The following TTN variants were observed in gnomAD, a reference collection of about 807,000 sequenced individuals.
TTN encodes titin.
Under a neutral mutation model 3,223.0 loss-of-function variants are expected in TTN, and 1,525 were observed. The ratio of observed to expected loss-of-function variants is 0.47; its 90% confidence interval spans 0.45 to 0.49. The LOEUF (loss-of-function observed/expected upper bound fraction) is 0.49, where lower values mean the gene tolerates loss of function less well. Ranked by LOEUF, TTN falls within the 20% of genes least tolerant of loss-of-function variation. TTN has a pLI of 0.00. For missense variants in TTN, 40,786 were observed against 43,424.0 expected, an observed-to-expected ratio of 0.94 and a Z score of 5.40; for synonymous variants, 14,094 against 15,161.0, an observed-to-expected ratio of 0.93 and a Z score of 5.17.
intron 112 of TTN, 101 bp downstream of exon 112, chr2:178,698,742 G>A (rs2074182086): frequency 1.8e-6 from 2 of 1,130,222 alleles, no homozygotes; most frequent in South Asian, 3.0e-5. Flanking sequence ...ACCATTTTGT[G>A]ATTGCAAACT....
At chr2:178,585,522 C>T (rs1418140546) in intron 308 of TTN, among the ~76,000 whole-genome samples, 175 bp from the exon 309 acceptor site, 1 of 151,916 alleles carries the variant, frequency 6.6e-6, no homozygotes, top group Non-Finnish European at 1.5e-5. Flanking sequence ...TATACATGTG[C>T]CATGGTGATT....
chr2:178,652,178 G>A lies in TTN; in HGVS notation c.39213C>T (p.Val13071=), dbSNP rs2063116864. 6.2e-7 allele frequency: 1 copy of A among 1,611,972 alleles called. No homozygotes were observed. Among genetic ancestry groups the A allele is most frequent in the Non-Finnish European group, 8.5e-7 (1 of 1,179,590 alleles). The change falls in exon 204 of 363, where the codon GTC becomes GTT. Residue 13071 remains valine (V), a splice_region_variant and synonymous_variant. Transcript: ENST00000589042. The part of the protein sequence containing the change: ...PKKPEVPPTK[V]PEVPKVAVPE... ...GGACAGCTACCTTTGGCACCTCTGGGACTTTAAAAGATATTATTATTTTCA... is the reference window on the plus strand; with the variant it reads ...GGACAGCTACCTTTGGCACCTCTGGAACTTTAAAAGATATTATTATTTTCA...
rs770226209 is a variant in TTN, at chr2:178,800,729, C to T, written c.296-47G>A. ...GTCAAGAGTGAGAGCCAGGGTGCTCCCTACAAGGTATTTTTAAATAATCAC... is the reference window on the plus strand; with the variant it reads ...GTCAAGAGTGAGAGCCAGGGTGCTCTCTACAAGGTATTTTTAAATAATCAC... On this transcript the variant is annotated intron_variant, in intron 3 of 362. Transcript: ENST00000589042. The T allele has an allele frequency of 5.2e-6, 8 of 1,540,064 alleles. No homozygotes were observed. The African/African-American group carries it at 1.1e-4, about 21-fold the overall frequency.
In TTN at chr2:178,721,864, G is replaced by A; in HGVS notation, c.22799C>T (p.Ala7600Val). The change falls in exon 78 of 363, where the codon GCT becomes GTT. Residue 7600 changes from alanine to valine, a missense_variant. Ala to Val is a moderately conservative substitution (Grantham distance 64). Transcript: ENST00000589042. ...TNDVGKDMCS[A>V]QLSVKEPPKF... ...AATGATACCTTTTACACTGAGCTGA[G>A]CTGAGCACATGTCTTTGCCAACATC... The A allele has an allele frequency of 6.2e-7, 1 of 1,610,852 alleles. No individual in the cohort carries two copies. Among genetic ancestry groups the A allele is most frequent in the Non-Finnish European group, 8.5e-7 (1 of 1,178,300 alleles).
Position 178,731,183 on chromosome 2 carries a change from C to T in TTN, c.17482G>A (p.Glu5828Lys), listed in dbSNP as rs2080414407. 1 of 1,613,228 alleles carries T rather than the reference C, an allele frequency of 6.2e-7. No individual in the cohort carries two copies. Among genetic ancestry groups the T allele is most frequent in the Non-Finnish European group, 8.5e-7 (1 of 1,179,436 alleles). The change falls in exon 60 of 363, where the codon GAA (glutamate) becomes AAA (lysine). Residue 5828 changes from glutamate to lysine, a missense_variant. Glu to Lys is a moderately conservative substitution (Grantham distance 56). Transcript: ENST00000589042. ...SVKEPATITE[E>K]AVSIDVTQGD... The stretch of plus-strand genomic sequence containing the variant: ...TGGGTGACATCTATAGACACAGCTT[C>T]CTCGGTGATTGTTGCAGGTTCTGTA...
In TTN at chr2:178,732,491, C is replaced by T; in HGVS notation, c.16570G>A (p.Val5524Ile). 6.2e-7 allele frequency: 1 copy of T among 1,613,580 alleles called. No homozygotes were observed. Among genetic ancestry groups the T allele is most frequent in the Non-Finnish European group, 8.5e-7 (1 of 1,179,686 alleles). Residue 5524 changes from valine (V) to isoleucine (I), a missense_variant, in exon 56 of 363, where the codon GTC becomes ATC. Coordinates refer to ENST00000589042, the MANE Select transcript of TTN (RefSeq NM_001267550.2). Reference protein sequence around the residue: ...TSDSGTYTCKVSNVAGGVECS... With the variant: ...TSDSGTYTCKISNVAGGVECS... The stretch of plus-strand genomic sequence containing the variant: ...TCCACCCCTCCAGCGACATTGCTGA[C>T]TTTACATGTGTACGTGCCCGAATCA...
chr2:178,679,808 G>A, intron 140 of TTN, 86 bp downstream of exon 140: 1 of 1,562,230 alleles, frequency 6.4e-7, no homozygotes, highest in South Asian at 1.2e-5. Flanking sequence ...CATTGGTGCT[G>A]CCAATAACCC....
At position 178,612,317 on chromosome 2, in the gene TTN, G is replaced by A. The variant is rs1476035515; in HGVS notation, c.50208C>T (p.Tyr16736=). ...CCAGCACAGAGTCCTCAATTTCGGT[G>A]TAGTCGCTTTGTCCTATAGCATTTT... ...AAENAIGQSD[Y]TEIEDSVLAK... is the part of the protein sequence containing the mutation. The change falls in exon 266 of 363, where the codon TAC becomes TAT. Residue 16736 remains tyrosine (Y), a synonymous_variant. Coordinates refer to ENST00000589042, the MANE Select transcript of TTN (RefSeq NM_001267550.2). 5 of 1,612,602 alleles carry A rather than the reference G, an allele frequency of 3.1e-6. No individual in the cohort carries two copies. Among genetic ancestry groups the A allele is most frequent in the Admixed American group, 3.3e-5 (2 of 59,924 alleles).
Position 178,546,390 on chromosome 2 carries a change from A to T in TTN, c.94941T>A (p.Ile31647=), listed in dbSNP as rs1303931973. 1.2e-6 allele frequency: 2 copies of T among 1,613,678 alleles called. No individual in the cohort carries two copies. The highest frequency in any genetic ancestry group is 1.7e-6 in the Non-Finnish European group (2 of 1,179,748). Residue 31647 remains isoleucine, a synonymous_variant, in exon 342 of 363, where the codon ATT becomes ATA. Coordinates refer to ENST00000589042, the MANE Select transcript of TTN (RefSeq NM_001267550.2). The part of the protein sequence containing the change: ...AAVGGKPEPK[I]IWTKGDKELD... ...GCTCCTTGTCTCCTTTGGTCCAGAT[A>T]ATTTTGGGTTCAGGTTTGCCACCAA...
rs778351310 is a variant in TTN, at chr2:178,598,878, C to G, written c.56832G>C (p.Leu18944Phe). The change falls in exon 291 of 363, where the codon TTG (leucine) becomes TTC (phenylalanine). Residue 18944 changes from leucine (L) to phenylalanine (F), a missense_variant. Coordinates refer to ENST00000589042, the MANE Select transcript of TTN (RefSeq NM_001267550.2). The part of the protein sequence containing the change: ...VNRDPIKAMT[L>F]GVSYKVTGLI... ...GACCAGTCACTTTATAAGAAACACCCAAAGTCATGGCTTTGATAGGATCTC... is the reference window on the plus strand; with the variant it reads ...GACCAGTCACTTTATAAGAAACACCGAAAGTCATGGCTTTGATAGGATCTC... 6.2e-6 allele frequency: 10 copies of G among 1,613,088 alleles called. No homozygotes were observed. In the South Asian group the frequency reaches 9.9e-5, roughly 16 times the overall value.
chr2:178,711,905 G>T, intron 96 of TTN, 39 bp downstream of exon 96: 1 of 1,523,274 alleles, frequency 6.6e-7, no homozygotes. Flanking sequence ...TTGTTCAAAA[G>T]AAACACAAAT....
At chr2:178,692,255 C>G (rs771365614) in intron 120 of TTN, among the ~76,000 whole-genome samples, 156 bp from the exon 121 acceptor site, 2 of 152,190 alleles carry the variant, frequency 1.3e-5, no homozygotes, top group Non-Finnish European at 2.9e-5. Context: ...CTAAATACCT[C>G]AACACCATAT....
In TTN at chr2:178,775,080, C is replaced by T. The variant is rs779819023; in HGVS notation, c.6631G>A (p.Gly2211Ser). The T allele has an allele frequency of 1.2e-6, 2 of 1,614,000 alleles. No homozygotes were observed. The highest frequency in any genetic ancestry group is 1.3e-5 in the African/African-American group (1 of 75,026). Residue 2211 changes from glycine (G) to serine (S), a missense_variant, in exon 29 of 363, where the codon GGT (glycine) becomes AGT (serine). By Grantham distance (56) the Gly-to-Ser change is moderately conservative (BLOSUM62 0). Transcript: ENST00000589042. ...PFVKVKWYKDGMEVHEGDKYR... is the reference protein window; with the variant it reads ...PFVKVKWYKDSMEVHEGDKYR... ...TTATCTCCCTCATGAACCTCCATACCATCTTTATACCATTTCACTTTGACA... is the reference window on the plus strand; with the variant it reads ...TTATCTCCCTCATGAACCTCCATACTATCTTTATACCATTTCACTTTGACA...
chr2:178,745,213 C>T (rs1287522359), intron 47 of TTN: 7 of 1,052,220 alleles, frequency 6.7e-6, no homozygotes, highest in African/African-American at 1.7e-5. Context: ...ATGGTCTCCA[C>T]TTTTACATTG....
chr2:178,580,393 GCAT>G lies in TTN; in HGVS notation c.66983_66985del (p.Asp22328del). The G allele has an allele frequency of 6.2e-7, 1 of 1,613,148 alleles. No individual in the cohort carries two copies. The highest frequency in any genetic ancestry group is 8.5e-7 in the Non-Finnish European group (1 of 1,179,414). Reference sequence around the variant, plus strand: ...CTCCAGGGTTAAGATATATTTTCCTGCATCATATTTGTTCACATTTTCACAGCG... The same window carrying G: ...CTCCAGGGTTAAGATATATTTTCCTGCATATTTGTTCACATTTTCACAGCG... On this transcript the variant is annotated inframe_deletion, in exon 317 of 363. Transcript: ENST00000589042.
In TTN at chr2:178,528,445, G is replaced by C. The variant is rs751950460; in HGVS notation, c.107224-18C>G. The C allele has an allele frequency of 1.2e-6, 2 of 1,607,234 alleles. No individual in the cohort carries two copies. Among genetic ancestry groups the C allele is most frequent in the East Asian group, 2.2e-5 (1 of 44,826 alleles). ...ATAGAAATCTAAGACAAAGGAAAAA[G>C]AAAAGAAATGTTGAAGTTCTTCAGA... On this transcript the variant is annotated intron_variant, in intron 360 of 362. Transcript: ENST00000589042.
rs1348508376 is a variant in TTN, at chr2:178,559,913, G to C, written c.86219C>G (p.Ser28740Cys). 6.2e-7 allele frequency: 1 copy of C among 1,613,646 alleles called. No homozygotes were observed. The highest frequency in any genetic ancestry group is 8.5e-7 in the Non-Finnish European group (1 of 1,179,762). The change falls in exon 326 of 363, where the codon TCT becomes TGT. Residue 28740 changes from serine to cysteine, a missense_variant. Physicochemically the swap from Ser to Cys is moderately radical, Grantham distance 112 (BLOSUM62 -1). Coordinates refer to ENST00000589042, the MANE Select transcript of TTN (RefSeq NM_001267550.2). ...KVGASDPSDS[S>C]DPQIAKEREE... ...TCTTTCCTTTGCTATCTGAGGGTCA[G>C]AGCTATCACTGGGGTCACTAGCACC...
chr2:178,669,584 C>T lies in TTN; in HGVS notation c.35470+8G>A, dbSNP rs2066604371. 1.2e-6 allele frequency: 2 copies of T among 1,612,238 alleles called. No individual in the cohort carries two copies. Among genetic ancestry groups the T allele is most frequent in the Non-Finnish European group, 1.7e-6 (2 of 1,179,572 alleles). ...TTATTTCATGTTCTGATTAGCATCA[C>T]TGTATACCTTTAGCTGGTGGAACTT... On this transcript the variant is annotated splice_region_variant and intron_variant, in intron 158 of 362. Transcript: ENST00000589042.
chr2:178,712,845 T>G lies in TTN; in HGVS notation c.27180A>C (p.Val9060=). Residue 9060 remains valine (V), a synonymous_variant, in exon 94 of 363, where the codon GTA becomes GTC. Coordinates refer to ENST00000589042, the MANE Select transcript of TTN (RefSeq NM_001267550.2). The part of the protein sequence containing the change: ...VSWFKGSSEL[V]PGDRCNVSLE... ...AAGACACGTTGCATCTGTCACCTGGTACTAGTTCACTGCTACCTTTGAACC... is the reference window on the plus strand; with the variant it reads ...AAGACACGTTGCATCTGTCACCTGGGACTAGTTCACTGCTACCTTTGAACC... 1 of 1,613,794 alleles carries G rather than the reference T, an allele frequency of 6.2e-7. No individual in the cohort carries two copies. The highest frequency in any genetic ancestry group is 8.5e-7 in the Non-Finnish European group (1 of 1,179,760).
Sources: gnomAD v4.1 joint callset for allele counts (sites outside exome capture counted in the v4.1 genomes callset) on GRCh38, gnomAD v4.1.1 for gene constraint, MANE v1.5 for transcripts, NCBI Gene and HGNC (gene_info 2026-07-23, HGNC 2026-07-21) for gene names.